Variants in HCK observed in about 807,000 individuals in gnomAD.
The protein encoded by HCK is HCK proto-oncogene, Src family tyrosine kinase.
In HCK, 40 loss-of-function variants were observed where a neutral mutation model predicts 70.4. The ratio of observed to expected loss-of-function variants is 0.57; its 90% CI spans 0.44 to 0.74. The LOEUF (loss-of-function observed/expected upper bound fraction) is 0.74. HCK is among the 30% of genes least tolerant of loss of function. The pLI, the probability that HCK is intolerant of heterozygous loss-of-function variation, is 0.00. For missense variants in HCK, 568 were observed against 697.2 expected, an observed-to-expected ratio of 0.81 and a Z score of 2.09; for synonymous variants, 245 against 263.2, an observed-to-expected ratio of 0.93 and a Z score of 0.67.
chr20:32,074,717 G>A lies in HCK; in HGVS notation c.424G>A (p.Glu142Lys). 6.2e-7 allele frequency: 1 copy of A among 1,609,624 alleles called. No homozygotes were observed. The highest frequency in any genetic ancestry group is 8.5e-7 in the Non-Finnish European group (1 of 1,175,878). The change falls in exon 5 of 13, where the codon GAG (glutamate) becomes AAG (lysine). Residue 142 changes from glutamate to lysine, a missense_variant. Physicochemically the swap from Glu to Lys is moderately conservative, Grantham distance 56. Around this residue, in one of 4 missense-constraint regions of HCK, gnomAD observed 318 missense variants for 336.0 expected, o/e 0.95. Transcript: ENST00000375852. ...CGCCCGCGTTGACTCTCTGGAGACA[G>A]AGGAGTAAGTATCCTATTTCCTACC...
At chr20:32,100,401 G>C (rs1012742301) in intron 12 of HCK, among the ~76,000 whole-genome samples, 2 of 152,186 alleles carry the variant, frequency 1.3e-5, no homozygotes, top group African/African-American at 4.8e-5. Context: ...TTCGTGACTG[G>C]CATACGTTGA....
intron 11 of HCK, 32 bp downstream of exon 11, chr20:32,094,048 C>A: frequency 6.3e-7 from 1 of 1,596,054 alleles, no homozygotes; most frequent in Non-Finnish European, 8.5e-7. Context: ...CCCCACGTTG[C>A]CCATTTGGAT....
At position 32,071,717 on chromosome 20, in the gene HCK, A is replaced by G; in HGVS notation, c.118A>G (p.Thr40Ala). 1 of 1,614,108 alleles carries G rather than the reference A, an allele frequency of 6.2e-7. No individual in the cohort carries two copies. Among genetic ancestry groups the G allele is most frequent in the Non-Finnish European group, 8.5e-7 (1 of 1,180,004 alleles). ...GGTCGGAGGCAATACATTCTCAAAA[A>G]CTGAAACCAGCGCCAGCCCACACTG... Residue 40 changes from threonine (T) to alanine (A), a missense_variant, in exon 2 of 13, where the codon ACT (threonine) becomes GCT (alanine). Around this residue, in one of 4 missense-constraint regions of HCK, gnomAD observed 318 missense variants for 336.0 expected, o/e 0.95. Coordinates refer to ENST00000375852, the MANE Select transcript of HCK (RefSeq NM_002110.5).
chr20:32,070,759 C>T (rs572650398), intron 1 of HCK, among the ~76,000 whole-genome samples: 9 of 152,016 alleles, frequency 5.9e-5, no homozygotes, highest in Admixed American at 2.6e-4. Context: ...CGTGAACTTG[C>T]TTCTCTTCTT....
chr20:32,058,532 A>AG (rs1205780373), intron 1 of HCK, among the ~76,000 whole-genome samples: 2 of 143,208 alleles, frequency 1.4e-5, no homozygotes, highest in Admixed American at 1.4e-4. Flanking sequence ...GACTCTGTCA[A>AG]AAAAAAAAAA....
chr20:32,061,711 T>C (rs1052728347), intron 1 of HCK, among the ~76,000 whole-genome samples: 1 of 152,022 alleles, frequency 6.6e-6, no homozygotes, highest in African/African-American at 2.4e-5. Context: ...AAACAGAACA[T>C]GCAATGCCCC....
At chr20:32,061,085 G>A (rs538570196) in intron 1 of HCK, among the ~76,000 whole-genome samples, 44 of 152,296 alleles carry the variant, frequency 2.9e-4, no homozygotes, top group Non-Finnish European at 2.9e-5. Flanking sequence ...CCGGGTTCAA[G>A]CAATTCTCCT....
rs397799329 is a variant in HCK at position 32,052,797 on chromosome 20, A to ATT, written c.62+320_62+321dup. Among the ~76,000 whole-genome samples the ATT allele has an allele frequency of 7.0e-3, 783 of 112,472 alleles. 27 individuals carry two copies. Among genetic ancestry groups the ATT allele is most frequent in the African/African-American group, 0.013 (358 of 28,190 alleles). 73.8% of individuals were successfully genotyped at this position (112,472 alleles called of 152,430 possible). On this transcript the variant is annotated intron_variant, in intron 1 of 12. Transcript: ENST00000375852. Reference sequence around the variant, plus strand: ...TTCCCCTTCTTGGGGGGGGGCGGGGATTTTTTTTTTAATTTAAAAAAGAAA... The same window carrying ATT: ...TTCCCCTTCTTGGGGGGGGGCGGGGATTTTTTTTTTTTAATTTAAAAAAGAAA...
At chr20:32,069,708 C>T in intron 1 of HCK, 12 of 1,056,300 alleles carry the variant, frequency 1.1e-5, no homozygotes, top group African/African-American at 1.7e-5. Flanking sequence ...CAAAACCGCT[C>T]AAGTCTTGAG....
chr20:32,088,977 T>C (rs1391465485), intron 10 of HCK, among the ~76,000 whole-genome samples: 1 of 152,220 alleles, frequency 6.6e-6, no homozygotes, highest in East Asian at 1.9e-4. Flanking sequence ...CTGCTCGTCA[T>C]GGTAAAGTGA....
chr20:32,100,470 G>A (rs1202517266), intron 12 of HCK, among the ~76,000 whole-genome samples: 1 of 152,098 alleles, frequency 6.6e-6, no homozygotes, highest in East Asian at 1.9e-4. Flanking sequence ...TAGGAGGTGA[G>A]AGAGAGAGAA....
chr20:32,060,634 A>G (rs1183039071), intron 1 of HCK, among the ~76,000 whole-genome samples: 1 of 152,248 alleles, frequency 6.6e-6, no homozygotes, highest in African/African-American at 2.4e-5. Flanking sequence ...TATTGGTCAG[A>G]TGGATAATAA....
At chr20:32,062,804 G>A (rs2045399732) in intron 1 of HCK, among the ~76,000 whole-genome samples, 1 of 152,206 alleles carries the variant, frequency 6.6e-6, no homozygotes, top group Non-Finnish European at 1.5e-5. Context: ...GACAGTCAGG[G>A]AACCCGAGGA....
intron 1 of HCK, among the ~76,000 whole-genome samples, chr20:32,066,388 T>C (rs888133108): frequency 5.7e-5 from 8 of 141,234 alleles, no homozygotes; most frequent in Non-Finnish European, 9.1e-5. Flanking sequence ...CTTGGCTCAC[T>C]GCAACCTCTG....
intron 5 of HCK, among the ~76,000 whole-genome samples, chr20:32,078,856 CAAAAA>C (rs368194350): frequency 2.8e-5 from 1 of 36,232 alleles, no homozygotes; most frequent in Non-Finnish European, 4.6e-5. Context: ...GACTCAGTCT[CAAAAA>C]AAAAAAAAAA....
chr20:32,095,014 C>G (rs1383423249), intron 11 of HCK, among the ~76,000 whole-genome samples: 2 of 152,138 alleles, frequency 1.3e-5, no homozygotes, highest in Non-Finnish European at 2.9e-5. Flanking sequence ...ATTGGACATT[C>G]ATGGCAGCAT....
intron 1 of HCK, among the ~76,000 whole-genome samples, chr20:32,060,602 C>T (rs2045355391): frequency 6.6e-6 from 1 of 152,184 alleles, no homozygotes; most frequent in African/African-American, 2.4e-5. Flanking sequence ...AAATGGGGAC[C>T]TTACTGTCAT....
At chr20:32,085,609 TATC>T (rs1371835155) in intron 8 of HCK, among the ~76,000 whole-genome samples, 1 of 152,008 alleles carries the variant, frequency 6.6e-6, no homozygotes, top group Non-Finnish European at 1.5e-5. Flanking sequence ...AAGCCAAAAA[TATC>T]ATATAAGACG....
intron 1 of HCK, among the ~76,000 whole-genome samples, chr20:32,067,075 A>G (rs1296533902): frequency 6.6e-6 from 1 of 152,226 alleles, no homozygotes; most frequent in African/African-American, 2.4e-5. Context: ...ACATACACGT[A>G]GGCACATAAA....
Sources: allele counts gnomAD v4.1 joint callset (sites outside exome capture counted in the v4.1 genomes callset), GRCh38; gene constraint gnomAD v4.1.1; regional missense constraint gnomAD v4.1.1; transcripts MANE v1.5; gene names NCBI Gene and HGNC (gene_info 2026-07-23, HGNC 2026-07-21).